The following ABCG8 variants were observed in gnomAD, a reference collection of about 807,000 sequenced individuals.
ABCG8 encodes ATP-binding cassette sub-family G member 8.
Under a neutral mutation model 71.3 loss-of-function variants are expected in ABCG8, and 81 were observed. The observed-to-expected ratio is 1.14, with a 90% confidence interval of 0.95 to 1.37. The LOEUF (loss-of-function observed/expected upper bound fraction) is 1.37. ABCG8 is among the 40% of genes most tolerant of loss of function. ABCG8 has a pLI of 0.00. For synonymous variants in ABCG8, 451 were observed against 354.7 expected (o/e 1.27, Z -3.05); for missense variants, 1,119 against 866.2 (o/e 1.29, Z -3.66).
intron 6 of ABCG8, among the ~76,000 whole-genome samples, chr2:43,868,344 C>T (rs367683994): frequency 1.3e-5 from 2 of 152,002 alleles, no homozygotes; most frequent in Admixed American, 6.6e-5. Flanking sequence ...GTAGAATTCT[C>T]ACTATCTGGA....
chr2:43,856,760 A>G (rs990318428), intron 6 of ABCG8, among the ~76,000 whole-genome samples: 1 of 151,856 alleles, frequency 6.6e-6, no homozygotes, highest in African/African-American at 2.4e-5. Flanking sequence ...CTATCTGGAT[A>G]GAATTCTCAC....
At chr2:43,846,087 G>A in intron 2 of ABCG8, 68 bp from the exon 3 acceptor site, 2 of 1,577,164 alleles carry the variant, frequency 1.3e-6, no homozygotes, top group East Asian at 2.2e-5. Context: ...CGAAGATGCT[G>A]AACAGAAGTT....
At chr2:43,841,932 T>C (rs549984397) in intron 1 of ABCG8, among the ~76,000 whole-genome samples, 25 of 152,284 alleles carry the variant, frequency 1.6e-4, no homozygotes, top group African/African-American at 5.8e-4. Flanking sequence ...TTGTCTAATA[T>C]CCCTCCTGCA....
Position 43,874,406 on chromosome 2 carries a change from G to A in ABCG8, c.1412-1G>A. ...CTCTTTTCCTTTCCCTTACTTTTTA[G>A]GTTACTCAGAGAGGGCAATGCTTTA... is the stretch of plus-strand genomic sequence containing the variant. On this transcript the variant is annotated splice_acceptor_variant, in intron 9 of 12. Coordinates refer to ENST00000272286, the MANE Select transcript of ABCG8 (RefSeq NM_022437.3). LOFTEE classifies it high-confidence loss of function. 1 of 1,596,786 alleles carries A rather than the reference G, an allele frequency of 6.3e-7. No homozygotes were observed. The highest frequency in any genetic ancestry group is 8.6e-7 in the Non-Finnish European group (1 of 1,165,124).
At chr2:43,869,000 G>A (rs6740545) in intron 6 of ABCG8, among the ~76,000 whole-genome samples, 121,818 of 151,988 alleles carry the variant, frequency 0.8, 49,216 homozygotes, top group East Asian at 0.99. Flanking sequence ...TAGACTTCTC[G>A]GTCTCTGGAT....
intron 6 of ABCG8, among the ~76,000 whole-genome samples, chr2:43,853,527 C>G (rs1188188153): frequency 2.6e-5 from 4 of 151,684 alleles, no homozygotes; most frequent in Non-Finnish European, 5.9e-5. Flanking sequence ...CCCAGGGAGA[C>G]AGCTGTCATG....
At chr2:43,857,619 C>A (rs1669159211) in intron 6 of ABCG8, among the ~76,000 whole-genome samples, 1 of 151,700 alleles carries the variant, frequency 6.6e-6, no homozygotes, top group African/African-American at 2.4e-5. Flanking sequence ...GGATAGAATT[C>A]TCACCACCTA....
chr2:43,869,318 A>C (rs72798825), intron 6 of ABCG8, among the ~76,000 whole-genome samples: 7,938 of 151,788 alleles, frequency 0.052, 247 homozygotes, highest in Middle Eastern at 0.11. Context: ...AAGAACTCTC[A>C]CTATCTTTCT....
intron 4 of ABCG8, 89 bp from the exon 5 acceptor site, chr2:43,852,265 G>T: frequency 6.3e-7 from 1 of 1,584,928 alleles, no homozygotes; most frequent in East Asian, 2.2e-5. Context: ...CCCAGCCGGA[G>T]GAGCGGGCGC....
intron 3 of ABCG8, 113 bp from the exon 4 acceptor site, chr2:43,851,471 C>T: frequency 8.2e-7 from 1 of 1,223,998 alleles, no homozygotes; most frequent in Non-Finnish European, 1.2e-6. Context: ...GGGCTGGTCA[C>T]ATCTGCACGG....
At position 43,874,410 on chromosome 2, in the gene ABCG8, A is replaced by G. The variant is rs759818603; in HGVS notation, c.1415A>G (p.Tyr472Cys). 34 of 1,607,952 alleles carry G rather than the reference A, an allele frequency of 2.1e-5. No homozygotes were observed. Among genetic ancestry groups the G allele is most frequent in the Admixed American group, 3.3e-5 (2 of 60,004 alleles). ...NVILDVISKC[Y>C]SERAMLYYEL... ...TTTCCTTTCCCTTACTTTTTAGGTT[A>G]CTCAGAGAGGGCAATGCTTTACTAT... is the stretch of plus-strand genomic sequence containing the variant. Residue 472 changes from tyrosine to cysteine, a missense_variant, in exon 10 of 13, where the codon TAC (tyrosine) becomes TGC (cysteine). Physicochemically the swap from Tyr to Cys is radical, Grantham distance 194 (BLOSUM62 -2). Transcript: ENST00000272286.
At chr2:43,848,226 A>C (rs1295500452) in intron 3 of ABCG8, 1 of 152,238 alleles carries the variant, frequency 6.6e-6, no homozygotes, top group Non-Finnish European at 1.5e-5. Context: ...AGCACTCAAA[A>C]ACAGGACCAG....
chr2:43,857,089 A>G (rs1031382865), intron 6 of ABCG8, among the ~76,000 whole-genome samples: 1 of 149,028 alleles, frequency 6.7e-6, no homozygotes, highest in Non-Finnish European at 1.5e-5. Flanking sequence ...ATAGAATTCT[A>G]TCTGTCTGGT....
chr2:43,846,532 C>T (rs749016879), intron 3 of ABCG8: 20 of 603,324 alleles, frequency 3.3e-5, no homozygotes, highest in East Asian at 6.5e-5. Context: ...GTCATGAGTG[C>T]GCCTCTTGTC....
intron 2 of ABCG8, among the ~76,000 whole-genome samples, chr2:43,845,775 C>T (rs777247491): frequency 6.6e-6 from 1 of 152,160 alleles, no homozygotes; most frequent in Admixed American, 6.5e-5. Flanking sequence ...GCAACCACCA[C>T]CATGCCTGGC....
chr2:43,864,036 C>T (rs1010709543), intron 6 of ABCG8, among the ~76,000 whole-genome samples: 1 of 151,260 alleles, frequency 6.6e-6, no homozygotes, highest in Non-Finnish European at 1.5e-5. Flanking sequence ...ATAGATTTGT[C>T]ACCATCTGCA....
chr2:43,849,997 C>G (rs373475498), intron 3 of ABCG8, among the ~76,000 whole-genome samples: 1 of 151,998 alleles, frequency 6.6e-6, no homozygotes, highest in Non-Finnish European at 1.5e-5. Flanking sequence ...GTCAGGGGTT[C>G]GAGACCAGCC....
At chr2:43,856,997 C>G (rs1185933056) in intron 6 of ABCG8, among the ~76,000 whole-genome samples, 1 of 151,868 alleles carries the variant, frequency 6.6e-6, no homozygotes, top group Non-Finnish European at 1.5e-5. Flanking sequence ...CTGGATAGAA[C>G]TCGCACTATC....
chr2:43,857,000 G>A lies in ABCG8; in HGVS notation c.964+4132G>A, dbSNP rs571096633. On this transcript the variant is annotated intron_variant, in intron 6 of 12. Transcript: ENST00000272286. ...AATTCTCACCCTCTGGATAGAACTC[G>A]CACTATCTACCTGGATAGAAGTCTC... is the stretch of plus-strand genomic sequence containing the variant. Among the ~76,000 whole-genome samples, 48 of 147,146 alleles carry A rather than the reference G, an allele frequency of 3.3e-4. No homozygotes were observed. In the South Asian group the frequency reaches 9.3e-3, roughly 29 times the overall value.
Sources: allele counts gnomAD v4.1 joint callset (sites outside exome capture counted in the v4.1 genomes callset), GRCh38; gene constraint gnomAD v4.1.1; transcripts MANE v1.5; gene names NCBI Gene and HGNC (gene_info 2026-07-23, HGNC 2026-07-21).